The following TAFA1 variants were observed in gnomAD, a reference collection of about 807,000 sequenced individuals.
TAFA1 encodes chemokine-like protein TAFA-1.
A neutral mutation model predicts 18.5 loss-of-function variants in TAFA1; 4 were observed. The observed-to-expected ratio is 0.22, with a 90% CI of 0.11 to 0.49. The LOEUF (loss-of-function observed/expected upper bound fraction) is 0.49, where lower values mean the gene tolerates loss of function less well. Among genes scored for constraint, TAFA1 ranks in the 20% least tolerant of loss-of-function variants. The pLI is 0.98. For synonymous variants in TAFA1, 56 were observed against 55.2 expected, an observed-to-expected ratio of 1.01 and a Z score of -0.06; for missense variants, 147 against 169.0, an observed-to-expected ratio of 0.87 and a Z score of 0.72.
intron 3 of TAFA1, among the ~76,000 whole-genome samples, chr3:68,516,922 C>T (rs1049870412): frequency 3.3e-5 from 5 of 152,072 alleles, no homozygotes; most frequent in Non-Finnish European, 5.9e-5. Flanking sequence ...TACAGGCATG[C>T]GCCACCACAC....
chr3:68,255,444 T>A (rs2067279081), intron 2 of TAFA1, among the ~76,000 whole-genome samples: 2 of 152,080 alleles, frequency 1.3e-5, no homozygotes, highest in Admixed American at 1.3e-4. Flanking sequence ...TATTGAGAAT[T>A]GAGAACTTTT....
chr3:68,017,713 C>CT (rs1167699221), intron 2 of TAFA1, among the ~76,000 whole-genome samples: 2 of 152,136 alleles, frequency 1.3e-5, no homozygotes, highest in Non-Finnish European at 2.9e-5. Flanking sequence ...GATAGTGCAG[C>CT]TTTAGACAGT....
intron 3 of TAFA1, among the ~76,000 whole-genome samples, chr3:68,478,828 A>G (rs1325150304): frequency 6.6e-6 from 1 of 151,996 alleles, no homozygotes; most frequent in Non-Finnish European, 1.5e-5. Context: ...TTTCTATATT[A>G]TTAAAGACTC....
At chr3:68,002,678 AT>A (rs930768776), upstream of TAFA1, among the ~76,000 whole-genome samples, 6 of 151,838 alleles carry the variant, frequency 4.0e-5, no homozygotes, top group African/African-American at 7.3e-5. Context: ...ATTTTTTTGG[AT>A]TTTTTTTCCA....
chr3:68,137,086 C>G (rs1575638382), intron 2 of TAFA1, among the ~76,000 whole-genome samples: 1 of 152,120 alleles, frequency 6.6e-6, no homozygotes, highest in East Asian at 1.9e-4. Flanking sequence ...TTTCTAAACT[C>G]TTTGCTCAAG....
At chr3:68,262,319 ATATATATATATATATATATATATAT>A (rs2067445338) in intron 2 of TAFA1, among the ~76,000 whole-genome samples, 1 of 51,978 alleles carries the variant, frequency 1.9e-5, no homozygotes, top group Non-Finnish European at 3.5e-5. Flanking sequence ...ATATATATAT[ATATATATATATATATATATATATAT>A]ATATATATAT....
At chr3:68,038,833 C>T (rs1458634666) in intron 2 of TAFA1, among the ~76,000 whole-genome samples, 2 of 152,168 alleles carry the variant, frequency 1.3e-5, no homozygotes, top group Non-Finnish European at 2.9e-5. Context: ...GTTATCATTT[C>T]ATTATGTAAC....
chr3:68,195,746 G>C (rs898428002), intron 2 of TAFA1, among the ~76,000 whole-genome samples: 1 of 151,568 alleles, frequency 6.6e-6, no homozygotes, highest in African/African-American at 2.4e-5. Context: ...TCAGGCCACA[G>C]AGATTTCTAC....
At chr3:68,346,564 G>A (rs1331082708) in intron 2 of TAFA1, among the ~76,000 whole-genome samples, 2 of 152,272 alleles carry the variant, frequency 1.3e-5, no homozygotes, top group East Asian at 3.9e-4. Context: ...AACAGTATTT[G>A]GGAGTGTTCT....
At chr3:68,010,882 A>G (rs1030888030) in intron 2 of TAFA1, among the ~76,000 whole-genome samples, 1 of 152,200 alleles carries the variant, frequency 6.6e-6, no homozygotes, top group Non-Finnish European at 1.5e-5. Flanking sequence ...TATAGACAGG[A>G]CATTTAGTTG....
At chr3:68,150,235 G>T (rs552296476) in intron 2 of TAFA1, among the ~76,000 whole-genome samples, 1 of 152,118 alleles carries the variant, frequency 6.6e-6, no homozygotes, top group Non-Finnish European at 1.5e-5. Context: ...ATACAAAGAC[G>T]AATGAAGCTG....
At chr3:68,377,764 T>A (rs141535880) in intron 2 of TAFA1, among the ~76,000 whole-genome samples, 1 of 152,198 alleles carries the variant, frequency 6.6e-6, no homozygotes, top group Non-Finnish European at 1.5e-5. Flanking sequence ...AAAAAATGGT[T>A]TCGTGATTTG....
rs138527548 is a variant in TAFA1 at position 68,332,084 on chromosome 3, C to T, written c.119-85196C>T. ...TTCACCGTGTTAACCCGGATGGTCT[C>T]GATCTCCTGACCTCGTGATCCGCCC... On this transcript the variant is annotated intron_variant, in intron 2 of 4. Transcript: ENST00000478136. Among the ~76,000 whole-genome samples the T allele has an allele frequency of 6.6e-3, 1,005 of 151,520 alleles. 9 individuals carry two copies. The highest frequency in any genetic ancestry group is 0.023 in the African/African-American group (964 of 41,374).
At chr3:68,143,151 A>G (rs2065691882) in intron 2 of TAFA1, among the ~76,000 whole-genome samples, 1 of 152,206 alleles carries the variant, frequency 6.6e-6, no homozygotes. Context: ...AGATGACTTA[A>G]AGTTTTAGAT....
chr3:68,370,782 T>TG (rs2069690144), intron 2 of TAFA1, among the ~76,000 whole-genome samples: 1 of 141,106 alleles, frequency 7.1e-6, no homozygotes, highest in Non-Finnish European at 1.5e-5. Context: ...TTTTCGTTGT[T>TG]TTTTTTTTTT....
chr3:68,317,866 G>T (rs548520176), intron 2 of TAFA1, among the ~76,000 whole-genome samples: 1 of 152,186 alleles, frequency 6.6e-6, no homozygotes, highest in Non-Finnish European at 1.5e-5. Flanking sequence ...TACTTGTCCA[G>T]GTTTTAGAGA....
intron 2 of TAFA1, among the ~76,000 whole-genome samples, chr3:68,269,791 A>T (rs1280160082): frequency 1.3e-5 from 2 of 152,212 alleles, no homozygotes; most frequent in Non-Finnish European, 2.9e-5. Flanking sequence ...TAACATTTTT[A>T]AAAAGAGAGA....
At chr3:68,202,608 C>T (rs2066480652) in intron 2 of TAFA1, among the ~76,000 whole-genome samples, 1 of 151,608 alleles carries the variant, frequency 6.6e-6, no homozygotes, top group African/African-American at 2.4e-5. Flanking sequence ...AATACACATT[C>T]ACAATTAATC....
Position 68,182,780 on chromosome 3 carries a change from A to G in TAFA1, c.118+176036A>G, listed in dbSNP as rs150843538. Among the ~76,000 whole-genome samples, 24 of 152,300 alleles carry G rather than the reference A, an allele frequency of 1.6e-4. 1 individual carries two copies. The East Asian group carries it at 4.6e-3, about 29-fold the overall frequency. ...CGTAAAACATATTGCTTTATGCACT[A>G]TACACATTTATTAGCAATTTCAGCC... On this transcript the variant is annotated intron_variant, in intron 2 of 4. Transcript: ENST00000478136.
Sources: gnomAD v4.1 joint callset for allele counts (sites outside exome capture counted in the v4.1 genomes callset) on GRCh38, gnomAD v4.1.1 for gene constraint, MANE v1.5 for transcripts, NCBI Gene and HGNC (gene_info 2026-07-23, HGNC 2026-07-21) for gene names.